Variants in RXRA observed in about 807,000 individuals in gnomAD.
RXRA encodes retinoid X receptor alpha, also known as retinoic acid receptor RXR-alpha.
Under a neutral mutation model 44.5 loss-of-function variants are expected in RXRA, and 5 were observed. The observed-to-expected ratio is 0.11, with a 90% confidence interval of 0.06 to 0.24. RXRA has a LOEUF of 0.24. RXRA is among the 10% of genes least tolerant of loss of function. The pLI is 1.00. For synonymous variants in RXRA, 291 were observed against 271.4 expected (o/e 1.07, Z -0.71); for missense variants, 412 against 646.5 (o/e 0.64, Z 3.93).
intron 1 of RXRA, among the ~76,000 whole-genome samples, chr9:134,331,470 T>C (rs1835005154): frequency 6.6e-6 from 1 of 152,206 alleles, no homozygotes; most frequent in Admixed American, 6.5e-5. Flanking sequence ...CACCTGGCGC[T>C]GTTGGCCGCT....
chr9:134,369,433 G>A (rs1846109345), intron 1 of RXRA, among the ~76,000 whole-genome samples: 2 of 119,732 alleles, frequency 1.7e-5, no homozygotes, highest in Non-Finnish European at 3.4e-5. Flanking sequence ...TGAGTGCAGG[G>A]GTTATGTGTG....
chr9:134,426,571 AG>A lies in RXRA; in HGVS notation c.911-2534del. ...GGCTCCTGACCTGTATCCCGTGCTG[AG>A]GGCCGCACCTCGGCTCAGCAGCGCC... On this transcript the variant is annotated intron_variant, in intron 6 of 9. Coordinates refer to ENST00000481739, the MANE Select transcript of RXRA (RefSeq NM_002957.6). This position sits in a 1 kb window ranked among gnomAD's most constrained non-coding sequence, Gnocchi z 4.6. 1.1e-5 allele frequency: 11 copies of A among 985,418 alleles called. No individual in the cohort carries two copies. Among genetic ancestry groups the A allele is most frequent in the Non-Finnish European group, 1.2e-5 (10 of 829,930 alleles). The allele number at this position is 985,418 out of a possible 1,614,324, so 61.0% of individuals were successfully genotyped here. A position where few individuals can be genotyped will look rare whatever the true frequency, so the allele number is the denominator to read the frequency against.
At chr9:134,382,280 T>C (rs1049367235) in intron 1 of RXRA, among the ~76,000 whole-genome samples, 5 of 151,770 alleles carry the variant, frequency 3.3e-5, no homozygotes, top group African/African-American at 1.2e-4. Context: ...TGTGTGTGTG[T>C]GTGTGTGTGT....
chr9:134,389,989 C>A (rs1388725574), intron 1 of RXRA, among the ~76,000 whole-genome samples: 1 of 152,204 alleles, frequency 6.6e-6, no homozygotes, highest in East Asian at 1.9e-4. Flanking sequence ...TGCCACAGTA[C>A]CCTGATATGT....
chr9:134,339,557 G>A (rs1244317462), intron 1 of RXRA, among the ~76,000 whole-genome samples: 1 of 149,502 alleles, frequency 6.7e-6, no homozygotes, highest in Non-Finnish European at 1.5e-5. Flanking sequence ...GTGAGTCTCT[G>A]CATACCCATG....
chr9:134,422,493 T>G, intron 6 of RXRA: 1 of 1,112,996 alleles, frequency 9.0e-7, no homozygotes, highest in South Asian at 1.5e-5. Flanking sequence ...CACTCCCCCC[T>G]CCCAGGACAC....
intron 1 of RXRA, among the ~76,000 whole-genome samples, chr9:134,332,340 A>T (rs1835018251): frequency 6.6e-6 from 1 of 152,186 alleles, no homozygotes; most frequent in South Asian, 2.1e-4. Flanking sequence ...GTTCTTTCTG[A>T]GGTCCTAACC....
intron 4 of RXRA, among the ~76,000 whole-genome samples, chr9:134,416,856 G>C (rs34835861): frequency 1.1e-4 from 17 of 152,262 alleles, no homozygotes; most frequent in South Asian, 8.3e-4. Context: ...TCCATAGACC[G>C]TCAGGACCTT....
In RXRA at chr9:134,433,655, G is replaced by A. The variant is rs931178881; in HGVS notation, c.1136-447G>A. Reference sequence around the variant, plus strand: ...GGACTCCGCAAGCACACCGAGGATGGGTTTCCGCAGGGTCTGGGTACTCCT... The same window carrying A: ...GGACTCCGCAAGCACACCGAGGATGAGTTTCCGCAGGGTCTGGGTACTCCT... On this transcript the variant is annotated intron_variant, in intron 8 of 9. Transcript: ENST00000481739. This position sits in a 1 kb window ranked among gnomAD's most constrained non-coding sequence, Gnocchi z 4.2. 2.6e-5 allele frequency among the ~76,000 whole-genome samples: 4 copies of A among 152,136 alleles called. No individual in the cohort carries two copies. Among genetic ancestry groups the A allele is most frequent in the Non-Finnish European group, 5.9e-5 (4 of 68,016 alleles).
rs1345824271 is a variant in RXRA, at chr9:134,417,782, G to A, written c.780+455G>A. ...GGGCTGGCTCTGCCAGCAGCCGTGT[G>A]GCCCTGGGCAGGTGCCCGGCAGTCG... On this transcript the variant is annotated intron_variant, in intron 5 of 9. Transcript: ENST00000481739. The surrounding 1 kb of genome is among the most constrained non-coding windows in gnomAD (Gnocchi z 6.1). 6.6e-6 allele frequency among the ~76,000 whole-genome samples: 1 copy of A among 152,136 alleles called. No individual in the cohort carries two copies. The highest frequency in any genetic ancestry group is 1.5e-5 in the Non-Finnish European group (1 of 68,012).
rs1388607136 is a variant in RXRA, at chr9:134,417,777, C to T, written c.780+450C>T. Among the ~76,000 whole-genome samples the T allele has an allele frequency of 4.6e-5, 7 of 152,216 alleles. No homozygotes were observed. Among genetic ancestry groups the T allele is most frequent in the African/African-American group, 9.6e-5 (4 of 41,532 alleles). On this transcript the variant is annotated intron_variant, in intron 5 of 9. Coordinates refer to ENST00000481739, the MANE Select transcript of RXRA (RefSeq NM_002957.6). The surrounding 1 kb of genome is among the most constrained non-coding windows in gnomAD (Gnocchi z 6.1). ...TTCCAGGGCTGGCTCTGCCAGCAGC[C>T]GTGTGGCCCTGGGCAGGTGCCCGGC...
chr9:134,427,867 A>G (rs2119201203), intron 6 of RXRA, among the ~76,000 whole-genome samples: 1 of 152,360 alleles, frequency 6.6e-6, no homozygotes, highest in East Asian at 1.9e-4. Context: ...AGTGTCGGCC[A>G]TAGAGGCTGG....
intron 9 of RXRA, among the ~76,000 whole-genome samples, chr9:134,435,401 C>T (rs1017218903): frequency 4.6e-5 from 7 of 150,976 alleles, no homozygotes; most frequent in Non-Finnish European, 7.4e-5. Context: ...TCCCGCCCCC[C>T]CACTGGTCCC....
At chr9:134,335,257 C>T (rs567027276) in intron 1 of RXRA, among the ~76,000 whole-genome samples, 7 of 152,142 alleles carry the variant, frequency 4.6e-5, no homozygotes, top group Non-Finnish European at 8.8e-5. Flanking sequence ...GCTGTATGGC[C>T]CTGGGCTAGC....
At position 134,436,449 on chromosome 9, in the gene RXRA, C is replaced by A; in HGVS notation, c.1242-18C>A. 1 of 1,613,052 alleles carries A rather than the reference C, an allele frequency of 6.2e-7. No individual in the cohort carries two copies. The highest frequency in any genetic ancestry group is 8.5e-7 in the Non-Finnish European group (1 of 1,179,702). On this transcript the variant is annotated intron_variant, in intron 9 of 9. Transcript: ENST00000481739. ...CCCATGCCCCTTGCCCGGCCCTCAC[C>A]AGACCTGTTCCCTGCAGGTTCGCTA...
At chr9:134,371,049 C>G (rs1161060462) in intron 1 of RXRA, among the ~76,000 whole-genome samples, 1 of 152,132 alleles carries the variant, frequency 6.6e-6, no homozygotes, top group Non-Finnish European at 1.5e-5. Context: ...TGTGGGGGGC[C>G]CTGGGCTGGC....
intron 5 of RXRA, among the ~76,000 whole-genome samples, chr9:134,418,257 CT>C (rs1831273202): frequency 6.6e-6 from 1 of 152,176 alleles, no homozygotes. Context: ...AGGTGAGCTC[CT>C]GGCCACCCGT....
chr9:134,382,109 A>G (rs1830655349), intron 1 of RXRA, among the ~76,000 whole-genome samples: 1 of 115,242 alleles, frequency 8.7e-6, no homozygotes, highest in South Asian at 3.3e-4. Context: ...AGATGCACAC[A>G]TGCCCTGCCA....
chr9:134,429,321 GGT>G (rs1001825223), intron 7 of RXRA, 81 bp downstream of exon 7: 151 of 1,418,804 alleles, frequency 1.1e-4, no homozygotes, highest in Non-Finnish European at 1.5e-4. Context: ...CCTTGGCCCC[GGT>G]GCACATCCTG....
Sources: gnomAD v4.1 joint callset for allele counts (sites outside exome capture counted in the v4.1 genomes callset) on GRCh38, gnomAD v4.1.1 for gene constraint, Gnocchi (gnomAD v3.1) non-coding constraint, MANE v1.5 for transcripts, NCBI Gene and HGNC (gene_info 2026-07-23, HGNC 2026-07-21) for gene names.